Variants in FER observed in about 807,000 individuals in gnomAD.
The protein encoded by FER is FER tyrosine kinase, also known as tyrosine-protein kinase Fer.
Under a neutral mutation model 111.0 loss-of-function variants are expected in FER, and 63 were observed. The ratio of observed to expected loss-of-function variants is 0.57; its 90% CI spans 0.46 to 0.70. FER has a LOEUF of 0.70. Among genes scored for constraint, FER ranks in the 30% least tolerant of loss-of-function variants. The pLI is 0.00. For synonymous variants in FER, 327 were observed against 313.9 expected (o/e 1.04, Z -0.44); for missense variants, 914 against 954.0 (o/e 0.96, Z 0.55).
At chr5:109,182,379 G>A (rs1454302903) in intron 18 of FER, among the ~76,000 whole-genome samples, 1 of 152,134 alleles carries the variant, frequency 6.6e-6, no homozygotes, top group Non-Finnish European at 1.5e-5. Context: ...TCTAGTGATT[G>A]CAAGCCAGTT....
chr5:108,865,515 T>G (rs1023327931), intron 5 of FER, among the ~76,000 whole-genome samples: 3 of 152,176 alleles, frequency 2.0e-5, no homozygotes, highest in African/African-American at 7.2e-5. Context: ...ATTCAGGACA[T>G]AGGCATGGGT....
intron 13 of FER, among the ~76,000 whole-genome samples, chr5:109,002,568 G>C (rs1273084474): frequency 6.6e-6 from 1 of 152,080 alleles, no homozygotes; most frequent in Non-Finnish European, 1.5e-5. Context: ...CATGGGCAAG[G>C]ACTTCATGTC....
At chr5:108,957,103 G>T (rs551247209) in intron 12 of FER, among the ~76,000 whole-genome samples, 70 of 151,690 alleles carry the variant, frequency 4.6e-4, no homozygotes, top group Non-Finnish European at 7.4e-4. Flanking sequence ...GTCTTTACTT[G>T]TTCTGTGGTT....
chr5:108,837,228 C>T (rs1760758371), intron 5 of FER, among the ~76,000 whole-genome samples: 1 of 152,012 alleles, frequency 6.6e-6, no homozygotes, highest in African/African-American at 2.4e-5. Flanking sequence ...CTTTAGATAA[C>T]CAAGAAATAT....
chr5:109,115,543 C>G (rs551168196), intron 17 of FER, among the ~76,000 whole-genome samples: 10 of 152,060 alleles, frequency 6.6e-5, no homozygotes, highest in Admixed American at 5.2e-4. Context: ...TAATTGTTAT[C>G]TTATCCTCAA....
At chr5:109,060,331 G>C (rs1303489533) in intron 16 of FER, among the ~76,000 whole-genome samples, 1 of 152,134 alleles carries the variant, frequency 6.6e-6, no homozygotes, top group Non-Finnish European at 1.5e-5. Flanking sequence ...CAAGAGCCAG[G>C]CAGTCTTAGC....
rs558357542 is a variant in FER at position 108,803,266 on chromosome 5, T to A, written c.207+4877T>A. Among the ~76,000 whole-genome samples the A allele has an allele frequency of 6.6e-5, 10 of 152,346 alleles. No homozygotes were observed. In the East Asian group the frequency reaches 1.9e-3, roughly 29 times the overall value. On this transcript the variant is annotated intron_variant, in intron 3 of 19. Coordinates refer to ENST00000281092, the MANE Select transcript of FER (RefSeq NM_005246.4). ...GGATGCATGGTTTATGATTATTTTC[T>A]CCCATTCTGTAGGTTGTCTGTTTAC...
intron 16 of FER, among the ~76,000 whole-genome samples, chr5:109,062,741 T>A (rs1164103831): frequency 6.6e-6 from 1 of 152,056 alleles, no homozygotes; most frequent in Non-Finnish European, 1.5e-5. Flanking sequence ...TGAAAAAAAA[T>A]GTCAGTCTCA....
chr5:108,866,414 A>G (rs1293743224), intron 5 of FER, among the ~76,000 whole-genome samples: 1 of 152,164 alleles, frequency 6.6e-6, no homozygotes, highest in Non-Finnish European at 1.5e-5. Flanking sequence ...GAAGGGGAAC[A>G]TTACACACCA....
chr5:109,007,195 G>A (rs1004090451), intron 13 of FER, among the ~76,000 whole-genome samples: 4 of 152,152 alleles, frequency 2.6e-5, no homozygotes, highest in African/African-American at 7.2e-5. Flanking sequence ...GATACATGAG[G>A]TATTAACATT....
At chr5:108,852,281 A>T (rs1762610332) in intron 5 of FER, among the ~76,000 whole-genome samples, 1 of 152,132 alleles carries the variant, frequency 6.6e-6, no homozygotes, top group Non-Finnish European at 1.5e-5. Context: ...ATTAAAATTG[A>T]TTAGATCTGT....
chr5:109,054,183 C>T (rs1033002647), intron 16 of FER, among the ~76,000 whole-genome samples: 2 of 152,092 alleles, frequency 1.3e-5, no homozygotes, highest in African/African-American at 2.4e-5. Flanking sequence ...CTGGCATTTG[C>T]ATGTTAAATT....
chr5:108,868,943 C>T (rs900011420), intron 6 of FER, among the ~76,000 whole-genome samples: 4 of 152,044 alleles, frequency 2.6e-5, no homozygotes, highest in East Asian at 1.9e-4. Context: ...CTGAATATTA[C>T]ATCAATTAAC....
chr5:109,124,018 A>G (rs1430974425), intron 17 of FER, among the ~76,000 whole-genome samples: 1 of 152,124 alleles, frequency 6.6e-6, no homozygotes, highest in Non-Finnish European at 1.5e-5. Flanking sequence ...TGAGTCCAGG[A>G]GTTTGAGTCT....
intron 2 of FER, among the ~76,000 whole-genome samples, chr5:108,789,751 C>T (rs923824991): frequency 3.9e-5 from 6 of 151,984 alleles, no homozygotes; most frequent in African/African-American, 4.8e-5. Context: ...TACAGGTGCA[C>T]GCCACCATAC....
intron 17 of FER, among the ~76,000 whole-genome samples, chr5:109,111,566 C>G (rs536916646): frequency 6.6e-6 from 1 of 152,156 alleles, no homozygotes; most frequent in Admixed American, 6.6e-5. Flanking sequence ...CATTCTCACA[C>G]TGCTATAAAG....
chr5:108,788,672 ACT>A (rs1389388554), intron 2 of FER, among the ~76,000 whole-genome samples: 3 of 149,470 alleles, frequency 2.0e-5, no homozygotes, highest in African/African-American at 5.0e-5. Flanking sequence ...TTTATCCTTG[ACT>A]CTCTGCTTTT....
intron 2 of FER, among the ~76,000 whole-genome samples, chr5:108,777,392 T>A (rs1181805396): frequency 1.3e-5 from 2 of 152,186 alleles, no homozygotes; most frequent in Non-Finnish European, 2.9e-5. Context: ...ACCAGAGTGG[T>A]ATATTTGTTT....
At chr5:108,995,522 T>G (rs1042903811) in intron 13 of FER, among the ~76,000 whole-genome samples, 3 of 151,600 alleles carry the variant, frequency 2.0e-5, no homozygotes, top group Non-Finnish European at 2.9e-5. Context: ...TGGTGTTTGG[T>G]TTTCTGTTCT....
Sources: allele counts gnomAD v4.1 joint callset (sites outside exome capture counted in the v4.1 genomes callset), GRCh38; gene constraint gnomAD v4.1.1; transcripts MANE v1.5; gene names NCBI Gene and HGNC (gene_info 2026-07-23, HGNC 2026-07-21).